Variants in POFUT1 observed in about 807,000 individuals in gnomAD.
POFUT1 encodes the protein protein O-fucosyltransferase 1, also known as GDP-fucose protein O-fucosyltransferase 1.
POFUT1 carries 16 observed loss-of-function variants against 42.4 expected under a neutral mutation model. The observed-to-expected ratio is 0.38, with a 90% CI of 0.26 to 0.57. The LOEUF is 0.57. Ranked by LOEUF, POFUT1 falls within the 20% of genes least tolerant of loss-of-function variation. The probability of loss-of-function intolerance (pLI) is 0.71; values close to 1 mark genes in which losing one functional copy is unlikely to be tolerated. For synonymous variants in POFUT1, 206 were observed against 205.4 expected (o/e 1.00, Z -0.03); for missense variants, 470 against 504.6 (o/e 0.93, Z 0.66).
At chr20:32,228,224 G>A in intron 4 of POFUT1, 39 bp from the exon 5 acceptor site, 1 of 1,568,204 alleles carries the variant, frequency 6.4e-7, no homozygotes, top group Non-Finnish European at 8.7e-7. Flanking sequence ...CAGGCTCTCT[G>A]TGCGTCCTCT....
At chr20:32,210,513 C>T (rs2047322158) in intron 2 of POFUT1, among the ~76,000 whole-genome samples, 1 of 152,220 alleles carries the variant, frequency 6.6e-6, no homozygotes, top group African/African-American at 2.4e-5. Flanking sequence ...CTTTGTCTGA[C>T]TCCAGAGCCT....
At position 32,234,527 on chromosome 20, in the gene POFUT1, G is replaced by A. The variant is rs749782165; in HGVS notation, c.1033G>A (p.Gly345Ser). Residue 345 changes from glycine to serine, a missense_variant, in exon 7 of 7, where the codon GGC becomes AGC. Gly to Ser is a moderately conservative substitution (Grantham distance 56, BLOSUM62 0). Transcript: ENST00000375749. ...EVAQVDLYIL[G>S]QADHFIGNCV... ...GGCCCAGGTCGACCTGTACATCCTCGGCCAAGCCGACCACTTTATTGGCAA... is the reference window on the plus strand; with the variant it reads ...GGCCCAGGTCGACCTGTACATCCTCAGCCAAGCCGACCACTTTATTGGCAA... 27 of 1,613,912 alleles carry A rather than the reference G, an allele frequency of 1.7e-5. No homozygotes were observed. The highest frequency in any genetic ancestry group is 6.7e-5 in the African/African-American group (5 of 74,940).
intron 4 of POFUT1, chr20:32,223,646 T>G (rs1569157484): frequency 1.0e-6 from 1 of 985,310 alleles, no homozygotes; most frequent in African/African-American, 1.7e-5. Context: ...TCAGGTAATA[T>G]GAATTCCTTC....
At chr20:32,210,507 G>A (rs867730966) in intron 2 of POFUT1, among the ~76,000 whole-genome samples, 19 of 152,198 alleles carry the variant, frequency 1.2e-4, no homozygotes, top group African/African-American at 4.1e-4. Flanking sequence ...AGCTATCTTT[G>A]TCTGACTCCA....
Position 32,234,816 on chromosome 20 carries a change from G to A in POFUT1, c.*155G>A. On this transcript the variant is annotated 3_prime_UTR_variant, in exon 7 of 7. Coordinates refer to ENST00000375749, the MANE Select transcript of POFUT1 (RefSeq NM_015352.2). ...AGAGTGCCAGGGACCCCTCAAGGAG[G>A]GAGACGCTCCATATCCCAGGGCATA... is the stretch of plus-strand genomic sequence containing the variant. 3 of 633,808 alleles carry A rather than the reference G, an allele frequency of 4.7e-6. No individual in the cohort carries two copies. Among genetic ancestry groups the A allele is most frequent in the Non-Finnish European group, 8.0e-6 (3 of 376,826 alleles). 39.3% of individuals were successfully genotyped at this position (633,808 alleles called of 1,614,324 possible). A position where few individuals can be genotyped will look rare whatever the true frequency, so the allele number is the denominator to read the frequency against.
chr20:32,227,081 C>G (rs1206211212), intron 4 of POFUT1, among the ~76,000 whole-genome samples: 2 of 152,152 alleles, frequency 1.3e-5, no homozygotes, highest in Admixed American at 6.6e-5. Context: ...GCACTTCCCC[C>G]CTCCAGCTGG....
chr20:32,223,225 C>A (rs565662434), intron 4 of POFUT1: 22 of 985,306 alleles, frequency 2.2e-5, no homozygotes, highest in Non-Finnish European at 2.7e-5. Flanking sequence ...AAGGGCCTGA[C>A]CAAGGGTGAG....
chr20:32,227,337 C>T (rs2047419671), intron 4 of POFUT1, among the ~76,000 whole-genome samples: 1 of 151,984 alleles, frequency 6.6e-6, no homozygotes, highest in Non-Finnish European at 1.5e-5. Flanking sequence ...GGCAACATGG[C>T]GAAACCCCGT....
chr20:32,230,714 A>G (rs1600394295), intron 5 of POFUT1, 105 bp from the exon 6 acceptor site: 6 of 1,183,744 alleles, frequency 5.1e-6, no homozygotes, highest in East Asian at 2.4e-5. Context: ...AAAAAAATGT[A>G]GTTAGGTTCT....
chr20:32,231,286 C>G (rs2047442457), intron 6 of POFUT1: 1 of 541,220 alleles, frequency 1.8e-6, no homozygotes, highest in Non-Finnish European at 3.3e-6. Context: ...CTGCTGGGAC[C>G]TTCGTGGCCC....
intron 4 of POFUT1, among the ~76,000 whole-genome samples, chr20:32,227,333 A>G (rs992964506): frequency 6.6e-6 from 1 of 152,162 alleles, no homozygotes; most frequent in African/African-American, 2.4e-5. Context: ...CCTGGGCAAC[A>G]TGGCGAAACC....
In POFUT1 at chr20:32,216,735, G is replaced by T; in HGVS notation, c.542+14G>T. On this transcript the variant is annotated intron_variant, in intron 4 of 6. Coordinates refer to ENST00000375749, the MANE Select transcript of POFUT1 (RefSeq NM_015352.2). ...ATGGAGCCAGAGGTACTTGGAGGGG[G>T]TAGCGTTTCTGGGTTTAGGGGAGGC... 1 of 1,571,494 alleles carries T rather than the reference G, an allele frequency of 6.4e-7. No individual in the cohort carries two copies. The highest frequency in any genetic ancestry group is 1.1e-5 in the South Asian group (1 of 90,244).
Position 32,230,816 on chromosome 20 carries a change from TAGA to T in POFUT1, c.738_740del (p.Lys246del), listed in dbSNP as rs746121254. 6.2e-7 allele frequency: 1 copy of T among 1,613,018 alleles called. No individual in the cohort carries two copies. The highest frequency in any genetic ancestry group is 1.7e-5 in the Admixed American group (1 of 60,024). On this transcript the variant is annotated splice_acceptor_variant and coding_sequence_variant, in exon 6 of 7. Coordinates refer to ENST00000375749, the MANE Select transcript of POFUT1 (RefSeq NM_015352.2). LOFTEE classifies it high-confidence loss of function. ...ATTTAACCCTGTTCCCCGCTCTCCG[TAGA>T]AGAACGCCTGTGCCATGCTGAAGGA...
intron 3 of POFUT1, 38 bp downstream of exon 3, chr20:32,215,489 C>T: frequency 6.4e-7 from 1 of 1,558,354 alleles, no homozygotes; most frequent in African/African-American, 1.4e-5. Flanking sequence ...TCTTCCTGTT[C>T]CATGTCCTCT....
At chr20:32,232,486 T>C (rs574678154) in intron 6 of POFUT1, among the ~76,000 whole-genome samples, 1 of 152,284 alleles carries the variant, frequency 6.6e-6, no homozygotes, top group African/African-American at 2.4e-5. Flanking sequence ...ATAATGGGCA[T>C]GACACAGAGT....
intron 2 of POFUT1, among the ~76,000 whole-genome samples, chr20:32,211,378 A>T (rs1406803662): frequency 6.6e-6 from 1 of 151,300 alleles, no homozygotes; most frequent in Non-Finnish European, 1.5e-5. Context: ...GGTTCAAGCG[A>T]TTCTCCTGCC....
chr20:32,231,883 A>G (rs562132854), intron 6 of POFUT1, among the ~76,000 whole-genome samples: 99 of 152,254 alleles, frequency 6.5e-4, no homozygotes, highest in Non-Finnish European at 9.0e-4. Flanking sequence ...TATTCAGTAC[A>G]TGAGTAAATA....
intron 1 of POFUT1, among the ~76,000 whole-genome samples, chr20:32,208,648 CAAAAAAA>C (rs67714814): frequency 3.2e-5 from 3 of 93,644 alleles, no homozygotes; most frequent in African/African-American, 4.5e-5. Flanking sequence ...AATCCAATCT[CAAAAAAA>C]AAAAAAAAAA....
At chr20:32,223,583 C>G in intron 4 of POFUT1, 1 of 985,392 alleles carries the variant, frequency 1.0e-6, no homozygotes, top group Non-Finnish European at 1.2e-6. Context: ...TTTGAAAATC[C>G]TTTTGAGGTA....
Sources: gnomAD v4.1 joint callset for allele counts (sites outside exome capture counted in the v4.1 genomes callset) on GRCh38, gnomAD v4.1.1 for gene constraint, MANE v1.5 for transcripts, NCBI Gene and HGNC (gene_info 2026-07-23, HGNC 2026-07-21) for gene names.